KLHL13: variants seen among roughly 807,000 people sequenced by gnomAD.
The protein encoded by KLHL13 is kelch-like protein 13.
In KLHL13, 10 loss-of-function variants were observed where a neutral mutation model predicts 37.1. That is an observed-to-expected ratio of 0.27 (90% confidence interval 0.17 to 0.46). The LOEUF (loss-of-function observed/expected upper bound fraction) is 0.46. Ranked by LOEUF, KLHL13 falls within the 20% of genes least tolerant of loss-of-function variation. The probability of loss-of-function intolerance (pLI) is 1.00; values close to 1 mark genes in which losing one functional copy is unlikely to be tolerated. For synonymous variants in KLHL13, 163 were observed against 181.2 expected (o/e 0.90, Z 0.81); for missense variants, 360 against 509.3 (o/e 0.71, Z 2.82).
intron 1 of KLHL13, among the ~76,000 whole-genome samples, chrX:118,035,784 G>C (rs1380681114): frequency 3.8e-4 from 41 of 106,853 alleles, no homozygotes; most frequent in African/African-American, 1.4e-3. Context: ...ATTCAATTAG[G>C]AAAAGAGGAA....
chrX:118,107,130 T>C (rs369930000), intron 1 of KLHL13, among the ~76,000 whole-genome samples: 2 of 112,281 alleles, frequency 1.8e-5, no homozygotes, highest in African/African-American at 6.5e-5. Context: ...AAAGATAACA[T>C]TGTTCATAGT....
intron 1 of KLHL13, among the ~76,000 whole-genome samples, chrX:118,006,986 A>C (rs1029151023): frequency 3.2e-4 from 36 of 111,777 alleles, no homozygotes; most frequent in Admixed American, 2.2e-3. Flanking sequence ...ATTGGGGGCC[A>C]GAGATCAAAT....
intron 1 of KLHL13, among the ~76,000 whole-genome samples, chrX:118,013,768 C>T (rs188648068): frequency 5.5e-4 from 62 of 112,392 alleles, no homozygotes; most frequent in Non-Finnish European, 8.6e-4. Flanking sequence ...ACGGAGAGAC[C>T]GGCTGGAGCC....
intron 1 of KLHL13, among the ~76,000 whole-genome samples, chrX:117,961,925 C>T (rs1021027473): frequency 9.1e-6 from 1 of 110,055 alleles, no homozygotes; most frequent in Non-Finnish European, 1.9e-5. Context: ...AGATAATATG[C>T]CAAGCATGGT....
chrX:118,042,932 A>T (rs965540178), intron 1 of KLHL13, among the ~76,000 whole-genome samples: 6 of 110,002 alleles, frequency 5.5e-5, no homozygotes, highest in African/African-American at 2.0e-4. Context: ...AAAAAAAAAT[A>T]CAAAAGATCA....
intron 1 of KLHL13, among the ~76,000 whole-genome samples, chrX:117,950,259 G>A (rs1246159776): frequency 1.8e-5 from 2 of 112,167 alleles, no homozygotes; most frequent in Non-Finnish European, 3.8e-5. Flanking sequence ...CTGAGATCAG[G>A]AGTTCGAGAC....
chrX:118,092,006 C>G (rs113175135), intron 1 of KLHL13, among the ~76,000 whole-genome samples: 1,988 of 111,683 alleles, frequency 0.018, 51 homozygotes, highest in African/African-American at 0.061. Flanking sequence ...GGGAGCTAAG[C>G]TATGAGGATG....
chrX:117,979,048 A>G (rs1226762557), intron 1 of KLHL13, among the ~76,000 whole-genome samples: 2 of 110,918 alleles, frequency 1.8e-5, no homozygotes, highest in Non-Finnish European at 3.8e-5. Flanking sequence ...CTCCTGCCTC[A>G]GCCTCCCAAA....
rs10596292 is a variant in KLHL13, at chrX:117,926,885, C to CTTTTTTTTTTTTTTT, written c.241-6530_241-6516dup. ...AAGCTCCAGGAGAAGCCCCCTACTT[C>CTTTTTTTTTTTTTTT]TTTTTTTTTTTTTTTTTTTTTTTTT... On this transcript the variant is annotated intron_variant, in intron 2 of 6. Transcript: ENST00000262820. Among the ~76,000 whole-genome samples, 9 of 26,153 alleles carry CTTTTTTTTTTTTTTT rather than the reference C, an allele frequency of 3.4e-4. 1 individual carries two copies. Among genetic ancestry groups the CTTTTTTTTTTTTTTT allele is most frequent in the Non-Finnish European group, 6.6e-4 (8 of 12,101 alleles). The allele number at this position is 26,153 out of a possible 115,157, so 22.7% of individuals were successfully genotyped here.
chrX:117,953,729 G>A (rs1281919904), intron 1 of KLHL13, among the ~76,000 whole-genome samples: 1 of 110,885 alleles, frequency 9.0e-6, no homozygotes, highest in Admixed American at 9.6e-5. Flanking sequence ...AGACAGTAGA[G>A]GCTATAAGTC....
intron 1 of KLHL13, among the ~76,000 whole-genome samples, chrX:118,085,798 T>TGTGG (rs761099700): frequency 5.8e-5 from 3 of 51,485 alleles, no homozygotes; most frequent in African/African-American, 5.6e-4. Context: ...TATTCCATGG[T>TGTGG]GTGTGTGTGT....
chrX:118,014,612 C>A (rs770789528), intron 1 of KLHL13, among the ~76,000 whole-genome samples: 1 of 112,450 alleles, frequency 8.9e-6, no homozygotes, highest in East Asian at 2.8e-4. Flanking sequence ...GAATCCCTAA[C>A]AAAAACTTGC....
chrX:118,047,022 T>TGCAA (rs773854532), intron 1 of KLHL13, among the ~76,000 whole-genome samples: 33 of 111,792 alleles, frequency 3.0e-4, no homozygotes, highest in African/African-American at 1.1e-3. Flanking sequence ...TTGTGAGGAA[T>TGCAA]GCAAATACAG....
rs748114970 is a variant in KLHL13, at chrX:117,930,660, C to T, written c.241-10290G>A. Among the ~76,000 whole-genome samples the T allele has an allele frequency of 8.1e-5, 9 of 111,351 alleles. No individual in the cohort carries two copies. In the South Asian group the frequency reaches 1.2e-3, roughly 14 times the overall value. ...ACTGAAGTGGCCTAAAAAGGGAAAG[C>T]GGCAGACAGTCTTCCAACTTTTATC... is the stretch of plus-strand genomic sequence containing the variant. On this transcript the variant is annotated intron_variant, in intron 2 of 6. Coordinates refer to ENST00000262820, the Ensembl canonical transcript of KLHL13.
intron 1 of KLHL13, among the ~76,000 whole-genome samples, chrX:117,992,428 T>G (rs1171877028): frequency 1.8e-5 from 2 of 110,949 alleles, no homozygotes; most frequent in African/African-American, 6.6e-5. Flanking sequence ...AGAAACCATG[T>G]ATATTATGTG....
chrX:118,111,370 C>G (rs958507194), intron 1 of KLHL13, among the ~76,000 whole-genome samples: 23 of 113,013 alleles, frequency 2.0e-4, no homozygotes, highest in Admixed American at 5.6e-4. Context: ...CAGTTTAAGT[C>G]AGGTTTTGCC....
chrX:118,099,894 A>AGAAG (rs376288542), intron 1 of KLHL13, among the ~76,000 whole-genome samples: 8 of 96,186 alleles, frequency 8.3e-5, no homozygotes, highest in Non-Finnish European at 1.6e-4. Context: ...AAGGAAGGAA[A>AGAAG]GAAGGAAGGA....
chrX:117,919,566 C>A (rs1415625316), exon 4 of KLHL13: 3 of 1,208,636 alleles, frequency 2.5e-6, no homozygotes, highest in Non-Finnish European at 3.4e-6. Flanking sequence ...CTGGCAGAAT[C>A]TGTAGGAAAC....
At chrX:117,998,600 G>C (rs188633628) in intron 1 of KLHL13, among the ~76,000 whole-genome samples, 38 of 111,460 alleles carry the variant, frequency 3.4e-4, no homozygotes, top group African/African-American at 1.2e-3. Context: ...TATTGGAGAG[G>C]GCACAGCCAC....
Sources: gnomAD v4.1 joint callset for allele counts (sites outside exome capture counted in the v4.1 genomes callset) on GRCh38, gnomAD v4.1.1 for gene constraint, MANE v1.5 for transcripts, NCBI Gene and HGNC (gene_info 2026-07-23, HGNC 2026-07-21) for gene names.